BDH2: variants seen among roughly 807,000 people sequenced by gnomAD.
BDH2 encodes the protein dehydrogenase/reductase SDR family member 6.
Under a neutral mutation model 33.2 loss-of-function variants are expected in BDH2, and 24 were observed. That is an observed-to-expected ratio of 0.72 (90% CI 0.52 to 1.02). The LOEUF (loss-of-function observed/expected upper bound fraction) is 1.02, where lower values mean the gene tolerates loss of function less well. Ranked by LOEUF, BDH2 falls within the 50% of genes least tolerant of loss-of-function variation. The pLI is 0.00. For missense variants in BDH2, 249 were observed against 301.6 expected (o/e 0.83, Z 1.29); for synonymous variants, 81 against 101.6 (o/e 0.80, Z 1.22).
At chr4:103,082,533 T>C (rs1578499211) in intron 8 of BDH2, among the ~76,000 whole-genome samples, 1 of 152,092 alleles carries the variant, frequency 6.6e-6, no homozygotes, top group Non-Finnish European at 1.5e-5. Context: ...CCACTGTCCA[T>C]CTCCAGAACT....
chr4:103,091,152 CTGGTGGTGG>C lies in BDH2; in HGVS notation c.357+16_357+24del. On this transcript the variant is annotated intron_variant, in intron 5 of 9. Transcript: ENST00000296424. ...ACAGAGACCTAATGTGGTGCTTATC[CTGGTGGTGG>C]TGGTGGTGGTCTTACTTTAGGAAGG... 6.8e-7 allele frequency: 1 copy of C among 1,471,708 alleles called. No individual in the cohort carries two copies. The highest frequency in any genetic ancestry group is 1.7e-5 in the Admixed American group (1 of 59,578). The allele number at this position is 1,471,708 out of a possible 1,614,324, so 91.2% of individuals were successfully genotyped here.
intron 7 of BDH2, among the ~76,000 whole-genome samples, chr4:103,084,443 G>C (rs1435695721): frequency 6.6e-6 from 1 of 152,142 alleles, no homozygotes; most frequent in East Asian, 1.9e-4. Context: ...TCTGTGATTG[G>C]TTCACTGAGT....
At chr4:103,083,790 C>T (rs994236284) in intron 7 of BDH2, among the ~76,000 whole-genome samples, 4 of 152,132 alleles carry the variant, frequency 2.6e-5, no homozygotes, top group Non-Finnish European at 2.9e-5. Context: ...TAGATTTGAT[C>T]TTTATTCAGA....
intron 6 of BDH2, chr4:103,085,992 A>C (rs903314486): frequency 8.6e-7 from 1 of 1,160,084 alleles, no homozygotes; most frequent in African/African-American, 1.6e-5. Flanking sequence ...CTGATGGCTC[A>C]GATCAACTGT....
intron 3 of BDH2, among the ~76,000 whole-genome samples, chr4:103,093,916 T>C (rs1748236379): frequency 6.6e-6 from 1 of 152,086 alleles, no homozygotes; most frequent in African/African-American, 2.4e-5. Context: ...CAGCTTTACT[T>C]TGACTTGTTT....
At chr4:103,081,844 A>C (rs1005882096) in intron 9 of BDH2, among the ~76,000 whole-genome samples, 1 of 152,222 alleles carries the variant, frequency 6.6e-6, no homozygotes, top group Non-Finnish European at 1.5e-5. Context: ...TAACTTTTTT[A>C]GTCCTCCATT....
intron 5 of BDH2, among the ~76,000 whole-genome samples, chr4:103,088,173 G>A (rs978219588): frequency 4.6e-5 from 7 of 152,122 alleles, no homozygotes; most frequent in Non-Finnish European, 8.8e-5. Flanking sequence ...AATGAAATGG[G>A]GTTCTCATAA....
intron 5 of BDH2, among the ~76,000 whole-genome samples, chr4:103,087,268 A>T (rs1296914478): frequency 1.3e-5 from 2 of 152,216 alleles, no homozygotes; most frequent in African/African-American, 2.4e-5. Flanking sequence ...GCAGAGGTCA[A>T]CAAGGGCTGA....
intron 8 of BDH2, 60 bp downstream of exon 8, chr4:103,082,811 G>T: frequency 7.1e-7 from 1 of 1,400,090 alleles, no homozygotes; most frequent in Non-Finnish European, 1.0e-6. Context: ...GTCTGCTATA[G>T]GTATGGAAGA....
chr4:103,089,976 A>G (rs1377287522), intron 5 of BDH2, among the ~76,000 whole-genome samples: 1 of 152,176 alleles, frequency 6.6e-6, no homozygotes, highest in Non-Finnish European at 1.5e-5. Flanking sequence ...TTTTCCTGTT[A>G]ATGTTCATCT....
rs945173338 is a variant in BDH2, at chr4:103,078,791, G to A, written c.*911C>T. 3.2e-4 allele frequency among the ~76,000 whole-genome samples: 48 copies of A among 151,526 alleles called. No homozygotes were observed. Among genetic ancestry groups the A allele is most frequent in the African/African-American group, 8.6e-4 (35 of 40,886 alleles). On this transcript the variant is annotated 3_prime_UTR_variant, in exon 10 of 10. Coordinates refer to ENST00000296424, the MANE Select transcript of BDH2 (RefSeq NM_020139.4). The stretch of plus-strand genomic sequence containing the variant: ...TATTATTATTTAGGTACAGGGTCTT[G>A]CTCTGTCACCCTGGAGTGCAGTGGC...
chr4:103,090,365 T>G (rs1228459107), intron 5 of BDH2, among the ~76,000 whole-genome samples: 2 of 152,214 alleles, frequency 1.3e-5, no homozygotes, highest in Admixed American at 1.3e-4. Context: ...TGTGAAGGCT[T>G]GAGAATTCAA....
intron 1 of BDH2, 54 bp from the exon 2 acceptor site, chr4:103,096,328 C>T: frequency 8.6e-7 from 1 of 1,157,414 alleles, no homozygotes; most frequent in South Asian, 1.3e-5. Flanking sequence ...CTTGAGCAGG[C>T]AGTAACATCT....
In BDH2 at chr4:103,086,461, C is replaced by A; in HGVS notation, c.418+19G>T. 2 of 1,610,644 alleles carry A rather than the reference C, an allele frequency of 1.2e-6. No homozygotes were observed. The highest frequency in any genetic ancestry group is 1.7e-6 in the Non-Finnish European group (2 of 1,178,866). On this transcript the variant is annotated intron_variant, in intron 6 of 9. Coordinates refer to ENST00000296424, the MANE Select transcript of BDH2 (RefSeq NM_020139.4). ...GTGCGTGTATGAGCATCGCAGTCCT[C>A]GGAAGGAGACAGACCCACCTTTGAC... is the stretch of plus-strand genomic sequence containing the variant.
chr4:103,094,318 A>C (rs1432122843), intron 3 of BDH2, among the ~76,000 whole-genome samples: 1 of 152,126 alleles, frequency 6.6e-6, no homozygotes, highest in Non-Finnish European at 1.5e-5. Flanking sequence ...CAAAGGGTAC[A>C]CTCTTGCAGT....
At chr4:103,085,267 G>C (rs771781292) in intron 7 of BDH2, 82 bp downstream of exon 7, 14 of 1,055,732 alleles carry the variant, frequency 1.3e-5, no homozygotes, top group Non-Finnish European at 2.0e-5. Flanking sequence ...CATGAAAACA[G>C]CCATAGGCAA....
chr4:103,089,234 A>G (rs1479529544), intron 5 of BDH2, among the ~76,000 whole-genome samples: 2 of 152,242 alleles, frequency 1.3e-5, no homozygotes, highest in Non-Finnish European at 2.9e-5. Context: ...ATAGATAATT[A>G]TGGCTGGAAG....
intron 6 of BDH2, chr4:103,086,047 A>T: frequency 8.7e-7 from 1 of 1,148,802 alleles, no homozygotes; most frequent in Non-Finnish European, 1.1e-6. Flanking sequence ...ATTTCCCTGT[A>T]TTTTGACAGC....
At chr4:103,086,161 A>G (rs1238969415) in intron 6 of BDH2, 3 of 1,129,930 alleles carry the variant, frequency 2.7e-6, no homozygotes, top group Non-Finnish European at 3.3e-6. Flanking sequence ...CAGAGCACAT[A>G]CCGGTGCTCA....
Sources: gnomAD v4.1 joint callset for allele counts (sites outside exome capture counted in the v4.1 genomes callset) on GRCh38, gnomAD v4.1.1 for gene constraint, MANE v1.5 for transcripts, NCBI Gene and HGNC (gene_info 2026-07-23, HGNC 2026-07-21) for gene names.